LRRC4C: variants seen among roughly 807,000 people sequenced by gnomAD.
LRRC4C encodes the protein leucine rich repeat containing 4C.
A neutral mutation model predicts 33.6 loss-of-function variants in LRRC4C; 5 were observed. The observed-to-expected ratio is 0.15, with a 90% CI of 0.08 to 0.31. The LOEUF is 0.31. LRRC4C is among the 10% of genes least tolerant of loss of function. LRRC4C has a pLI of 1.00. For missense variants in LRRC4C, 560 were observed against 796.7 expected, an observed-to-expected ratio of 0.70 and a Z score of 3.58; for synonymous variants, 329 against 302.0, an observed-to-expected ratio of 1.09 and a Z score of -0.93.
At chr11:40,396,590 A>C (rs1482423108) in intron 3 of LRRC4C, among the ~76,000 whole-genome samples, 1 of 152,156 alleles carries the variant, frequency 6.6e-6, no homozygotes. Flanking sequence ...AAAATATTAG[A>C]GAACATGTAG....
chr11:40,547,057 G>A (rs1035384099), intron 3 of LRRC4C, among the ~76,000 whole-genome samples: 3 of 152,122 alleles, frequency 2.0e-5, no homozygotes, highest in Admixed American at 6.6e-5. Context: ...CAGCCTTAAC[G>A]TAGTGTTCTT....
At chr11:40,313,599 C>CTTT (rs60735627) in intron 4 of LRRC4C, among the ~76,000 whole-genome samples, 11 of 72,542 alleles carry the variant, frequency 1.5e-4, no homozygotes, top group African/African-American at 7.1e-4. Flanking sequence ...AGGGGAAATT[C>CTTT]TTTTTTTTTT....
At chr11:40,201,571 C>T (rs1431196238) in intron 5 of LRRC4C, among the ~76,000 whole-genome samples, 2 of 152,148 alleles carry the variant, frequency 1.3e-5, no homozygotes, top group Non-Finnish European at 2.9e-5. Flanking sequence ...ACTCCACCCA[C>T]GAGCTGGTGC....
chr11:40,445,861 T>A (rs1413299704), intron 3 of LRRC4C: 1 of 152,234 alleles, frequency 6.6e-6, no homozygotes, highest in Non-Finnish European at 1.5e-5. Context: ...AGTTATCTGA[T>A]GTCTAGTGGG....
At chr11:41,066,816 G>A (rs1219244962) in intron 1 of LRRC4C, among the ~76,000 whole-genome samples, 1 of 152,114 alleles carries the variant, frequency 6.6e-6, no homozygotes, top group Non-Finnish European at 1.5e-5. Flanking sequence ...GCCAAACTAA[G>A]TTTCATAAGT....
intron 1 of LRRC4C, among the ~76,000 whole-genome samples, chr11:41,142,136 T>TATAA (rs1943534249): frequency 1.3e-5 from 2 of 152,276 alleles, no homozygotes; most frequent in South Asian, 4.1e-4. Flanking sequence ...TATATATATA[T>TATAA]AACAGGTATT....
chr11:41,054,904 C>T (rs1320739762), intron 1 of LRRC4C, among the ~76,000 whole-genome samples: 1 of 152,144 alleles, frequency 6.6e-6, no homozygotes, highest in African/African-American at 2.4e-5. Context: ...CTTTATTTTT[C>T]AGTTTTCTGT....
chr11:41,215,650 C>T (rs973414783), intron 1 of LRRC4C, among the ~76,000 whole-genome samples: 4 of 152,102 alleles, frequency 2.6e-5, no homozygotes, highest in Non-Finnish European at 4.4e-5. Flanking sequence ...CCTTTTGTCT[C>T]TGGCTTCTTT....
chr11:40,659,381 G>T (rs1303527811), intron 2 of LRRC4C, among the ~76,000 whole-genome samples: 1 of 152,172 alleles, frequency 6.6e-6, no homozygotes, highest in Non-Finnish European at 1.5e-5. Flanking sequence ...AAAGGAGGGG[G>T]TCCCTGGTGA....
At chr11:40,952,945 A>T (rs1958784519) in intron 1 of LRRC4C, among the ~76,000 whole-genome samples, 1 of 146,982 alleles carries the variant, frequency 6.8e-6, no homozygotes, top group Admixed American at 6.9e-5. Flanking sequence ...TCTTTTGTCC[A>T]GGTCTTTGAA....
At chr11:40,493,273 T>A (rs1954256850) in intron 3 of LRRC4C, among the ~76,000 whole-genome samples, 1 of 152,208 alleles carries the variant, frequency 6.6e-6, no homozygotes, top group Non-Finnish European at 1.5e-5. Context: ...AGGCTTGTAC[T>A]ATATAATTTT....
intron 1 of LRRC4C, among the ~76,000 whole-genome samples, chr11:41,311,138 G>A (rs980259629): frequency 6.6e-5 from 10 of 152,210 alleles, no homozygotes; most frequent in Admixed American, 6.5e-4. Flanking sequence ...AGTTCAGCTT[G>A]TGGAGCTGCT....
intron 2 of LRRC4C, among the ~76,000 whole-genome samples, chr11:40,788,115 C>T (rs1463226820): frequency 6.6e-6 from 1 of 152,126 alleles, no homozygotes; most frequent in Non-Finnish European, 1.5e-5. Flanking sequence ...CTCACATCTA[C>T]CCAGTGACAG....
At chr11:41,363,061 A>G (rs1197512616) in intron 1 of LRRC4C, among the ~76,000 whole-genome samples, 2 of 152,196 alleles carry the variant, frequency 1.3e-5, no homozygotes, top group Non-Finnish European at 2.9e-5. Context: ...TCTTCCTTAC[A>G]TATCTCTGAG....
At chr11:40,941,348 C>A (rs1207098241) in intron 1 of LRRC4C, among the ~76,000 whole-genome samples, 2 of 152,030 alleles carry the variant, frequency 1.3e-5, no homozygotes, top group East Asian at 1.9e-4. Flanking sequence ...TAAGAATATG[C>A]TTTCCTACAA....
intron 5 of LRRC4C, among the ~76,000 whole-genome samples, chr11:40,158,937 A>G (rs1423755865): frequency 6.6e-6 from 1 of 152,180 alleles, no homozygotes. Context: ...ATTAAAATTC[A>G]TTTCTTTATT....
At chr11:41,294,393 A>G (rs972093097) in intron 1 of LRRC4C, among the ~76,000 whole-genome samples, 3 of 152,168 alleles carry the variant, frequency 2.0e-5, no homozygotes, top group African/African-American at 4.8e-5. Context: ...GGATTGGTCA[A>G]TTTCGATCCT....
intron 2 of LRRC4C, among the ~76,000 whole-genome samples, chr11:40,684,261 A>T (rs1465299418): frequency 6.6e-6 from 1 of 152,178 alleles, no homozygotes; most frequent in East Asian, 1.9e-4. Flanking sequence ...CAATTTTTGA[A>T]TAAAGAAGAG....
intron 2 of LRRC4C, among the ~76,000 whole-genome samples, chr11:40,854,619 T>C (rs1242500245): frequency 6.6e-6 from 1 of 152,026 alleles, no homozygotes; most frequent in East Asian, 1.9e-4. Context: ...TGCCTTTTTT[T>C]TCTGGTATAG....
Sources: gnomAD v4.1 joint callset for allele counts (sites outside exome capture counted in the v4.1 genomes callset) on GRCh38, gnomAD v4.1.1 for gene constraint, MANE v1.5 for transcripts, NCBI Gene and HGNC (gene_info 2026-07-23, HGNC 2026-07-21) for gene names.